CSMD1: variants seen among roughly 807,000 people sequenced by gnomAD.
CSMD1 encodes the protein CUB and sushi domain-containing protein 1.
CSMD1 carries 213 observed loss-of-function variants against 417.5 expected under a neutral mutation model. The observed-to-expected ratio is 0.51, with a 90% CI of 0.46 to 0.57. CSMD1 has a LOEUF of 0.57. CSMD1 is among the 20% of genes least tolerant of loss of function. The probability of loss-of-function intolerance (pLI) is 0.00; values close to 1 mark genes in which losing one functional copy is unlikely to be tolerated. For missense variants in CSMD1, 6,923 were observed against 4,529.7 expected (o/e 1.53, Z -15.17); for synonymous variants, 2,862 against 1,736.8 (o/e 1.65, Z -16.11).
At chr8:4,814,119 A>G (rs1799064931) in intron 1 of CSMD1, among the ~76,000 whole-genome samples, 1 of 152,270 alleles carries the variant, frequency 6.6e-6, no homozygotes, top group Non-Finnish European at 1.5e-5. Context: ...TTACGGCCTC[A>G]GCCTATTTCT....
chr8:3,497,451 G>A (rs752863061), intron 10 of CSMD1, among the ~76,000 whole-genome samples: 1 of 152,072 alleles, frequency 6.6e-6, no homozygotes, highest in African/African-American at 2.4e-5. Context: ...CTGTCACCCA[G>A]GCTGGAGTGC....
intron 2 of CSMD1, among the ~76,000 whole-genome samples, chr8:4,457,292 G>A (rs552177559): frequency 6.6e-6 from 1 of 152,098 alleles, no homozygotes; most frequent in African/African-American, 2.4e-5. Flanking sequence ...CATTTGAATT[G>A]CATCTTTCTA....
At chr8:3,307,916 T>G in intron 24 of CSMD1, 95 bp from the exon 25 acceptor site, 1 of 1,332,632 alleles carries the variant, frequency 7.5e-7, no homozygotes, top group Non-Finnish European at 1.0e-6. Flanking sequence ...ATGTCTGCAT[T>G]ATATACATAG....
chr8:3,464,696 T>C (rs148848231), intron 12 of CSMD1, among the ~76,000 whole-genome samples: 114 of 151,840 alleles, frequency 7.5e-4, no homozygotes, highest in African/African-American at 2.7e-3. Context: ...TAAAAATATA[T>C]ACTAGTCATA....
At chr8:3,486,775 G>T (rs1270657205) in intron 11 of CSMD1, among the ~76,000 whole-genome samples, 1 of 152,198 alleles carries the variant, frequency 6.6e-6, no homozygotes, top group Non-Finnish European at 1.5e-5. Flanking sequence ...GACTCTGCTG[G>T]CTTTCCCAGA....
At chr8:3,228,514 C>T (rs972904255) in intron 27 of CSMD1, among the ~76,000 whole-genome samples, 46 of 152,112 alleles carry the variant, frequency 3.0e-4, no homozygotes, top group Non-Finnish European at 7.3e-5. Flanking sequence ...TCAGCTTGTC[C>T]TTGAAGCTGA....
chr8:3,688,497 T>C (rs936049999), intron 7 of CSMD1, among the ~76,000 whole-genome samples: 3 of 152,214 alleles, frequency 2.0e-5, no homozygotes, highest in Admixed American at 6.5e-5. Flanking sequence ...TGAGGAAATG[T>C]AGTTATAATG....
intron 3 of CSMD1, among the ~76,000 whole-genome samples, chr8:4,352,843 G>A (rs1055072155): frequency 3.3e-5 from 5 of 152,234 alleles, no homozygotes; most frequent in Middle Eastern, 3.4e-3. Flanking sequence ...AAACAAGATT[G>A]GACCTGTTTC....
intron 18 of CSMD1, among the ~76,000 whole-genome samples, chr8:3,379,916 C>G (rs1810530560): frequency 6.6e-6 from 1 of 152,030 alleles, no homozygotes. Flanking sequence ...AATTAAAGAG[C>G]TTCTGCACTG....
chr8:3,741,228 A>AAAAAAAC (rs1300437378), intron 6 of CSMD1, among the ~76,000 whole-genome samples: 1 of 131,230 alleles, frequency 7.6e-6, no homozygotes, highest in East Asian at 2.3e-4. Context: ...AAAAAAAAAA[A>AAAAAAAC]AAAAAAAAAA....
chr8:3,000,333 T>C (rs1383619065), intron 52 of CSMD1, among the ~76,000 whole-genome samples: 1 of 151,694 alleles, frequency 6.6e-6, no homozygotes, highest in Admixed American at 6.6e-5. Context: ...AAAAAATAAG[T>C]AATATTTCTA....
At chr8:3,959,771 T>C (rs559407773) in intron 5 of CSMD1, among the ~76,000 whole-genome samples, 3 of 152,322 alleles carry the variant, frequency 2.0e-5, no homozygotes, top group South Asian at 4.1e-4. Flanking sequence ...TCTTCAGTTT[T>C]GTGATTGGAA....
chr8:4,797,404 C>T (rs763549374), intron 1 of CSMD1, among the ~76,000 whole-genome samples: 2 of 152,140 alleles, frequency 1.3e-5, no homozygotes, highest in Non-Finnish European at 2.9e-5. Context: ...CAAGCTGCCA[C>T]TTCAAAAGCT....
intron 1 of CSMD1, among the ~76,000 whole-genome samples, chr8:4,741,912 C>A (rs757333348): frequency 4.0e-5 from 6 of 150,018 alleles, no homozygotes; most frequent in Admixed American, 1.3e-4. Flanking sequence ...CAGCTCACTG[C>A]AGCTTCGACT....
intron 8 of CSMD1, among the ~76,000 whole-genome samples, chr8:3,598,999 T>G (rs918553280): frequency 2.0e-5 from 3 of 151,946 alleles, no homozygotes; most frequent in African/African-American, 4.8e-5. Flanking sequence ...GAGAATTCCG[T>G]GAATGTGGGA....
At chr8:4,730,688 G>T (rs910867778) in intron 1 of CSMD1, among the ~76,000 whole-genome samples, 3 of 151,974 alleles carry the variant, frequency 2.0e-5, no homozygotes, top group African/African-American at 7.3e-5. Flanking sequence ...TTGCAGTGAG[G>T]AGAGATCGTG....
chr8:3,507,242 T>G lies in CSMD1; in HGVS notation c.1345-13516A>C, dbSNP rs547798149. ...TAGGTAACCTATACAATATTTTTTTTGTAGAAGTAAAAAGGAAAACTTCTG... is the reference window on the plus strand; with the variant it reads ...TAGGTAACCTATACAATATTTTTTTGGTAGAAGTAAAAAGGAAAACTTCTG... On this transcript the variant is annotated intron_variant, in intron 10 of 69. Transcript: ENST00000635120. 2.0e-5 allele frequency among the ~76,000 whole-genome samples: 3 copies of G among 152,304 alleles called. No individual in the cohort carries two copies. The East Asian group carries it at 5.8e-4, about 29-fold the overall frequency.
At chr8:3,587,618 T>G (rs75424063) in intron 8 of CSMD1, among the ~76,000 whole-genome samples, 207 of 152,238 alleles carry the variant, frequency 1.4e-3, no homozygotes, top group Middle Eastern at 6.8e-3. Flanking sequence ...ACGGCATCTA[T>G]GTAACACTCT....
chr8:4,854,145 G>T (rs1454990289), intron 1 of CSMD1, among the ~76,000 whole-genome samples: 6 of 152,134 alleles, frequency 3.9e-5, no homozygotes, highest in African/African-American at 1.4e-4. Context: ...AGATTTTGGG[G>T]GCTATTGGCA....
Sources: gnomAD v4.1 joint callset for allele counts (sites outside exome capture counted in the v4.1 genomes callset) on GRCh38, gnomAD v4.1.1 for gene constraint, MANE v1.5 for transcripts, NCBI Gene and HGNC (gene_info 2026-07-23, HGNC 2026-07-21) for gene names.